Variants in SPDYA observed in about 807,000 individuals in gnomAD.
SPDYA encodes speedy/RINGO cell cycle regulator family member A.
In SPDYA, 11 loss-of-function variants were observed where a neutral mutation model predicts 36.7. The ratio of observed to expected loss-of-function variants is 0.30; its 90% confidence interval spans 0.19 to 0.50. SPDYA has a LOEUF of 0.50. SPDYA is among the 20% of genes least tolerant of loss of function. The pLI is 0.98. For synonymous variants in SPDYA, 115 were observed against 118.7 expected (o/e 0.97, Z 0.20); for missense variants, 287 against 370.9 (o/e 0.77, Z 1.86).
In SPDYA at chr2:28,840,300, T is replaced by A; in HGVS notation, c.681T>A (p.Asp227Glu). 2.5e-6 allele frequency: 4 copies of A among 1,612,734 alleles called. No individual in the cohort carries two copies. The highest frequency in any genetic ancestry group is 3.4e-6 in the Non-Finnish European group (4 of 1,179,512). The part of the protein sequence containing the change: ...LPRGPSATPV[D>E]CSLCGKKRRY... ...GGGGACCTAGTGCCACACCAGTAGA[T>A]TGTTCACTCTGTGGTAAAAAAAGAA... Residue 227 changes from aspartate to glutamate, a missense_variant, in exon 7 of 8, where the codon GAT becomes GAA. Asp to Glu is a conservative substitution (Grantham distance 45). Transcript: ENST00000334056.
At position 28,850,468 on chromosome 2, in the gene SPDYA, C is replaced by A; in HGVS notation, c.*527C>A. ...AATATTTTCTATTTTTTTCACAAAACTGTTAAAATATGAGTTACTCTCTTT... is the reference window on the plus strand; with the variant it reads ...AATATTTTCTATTTTTTTCACAAAAATGTTAAAATATGAGTTACTCTCTTT... On this transcript the variant is annotated 3_prime_UTR_variant, in exon 8 of 8. Transcript: ENST00000334056. The A allele has an allele frequency of 8.9e-7, 1 of 1,128,994 alleles. No homozygotes were observed. The allele number at this position is 1,128,994 out of a possible 1,614,324, so 69.9% of individuals were successfully genotyped here.
At chr2:28,836,339 G>A (rs773604718) in intron 6 of SPDYA, among the ~76,000 whole-genome samples, 5 of 152,112 alleles carry the variant, frequency 3.3e-5, no homozygotes, top group Non-Finnish European at 7.4e-5. Context: ...TTCTTGTCTT[G>A]GGAATTAAAT....
At chr2:28,818,223 A>T (rs1668037373) in intron 3 of SPDYA, among the ~76,000 whole-genome samples, 1 of 152,192 alleles carries the variant, frequency 6.6e-6, no homozygotes, top group Non-Finnish European at 1.5e-5. Flanking sequence ...ATCAGTAGTT[A>T]TTCTTGGAAC....
At chr2:28,821,191 C>CTT (rs1668150461) in intron 4 of SPDYA, among the ~76,000 whole-genome samples, 3 of 120,976 alleles carry the variant, frequency 2.5e-5, no homozygotes, top group South Asian at 2.6e-4. Context: ...TTTTTTTTTT[C>CTT]TTTTTCTTTT....
rs201145429 is a variant in SPDYA, at chr2:28,832,167, ATAAAG to A, written c.552+2851_552+2855del. ...TTTCCATTCTGTTTGAACCTGTTAT[ATAAAG>A]TATTTTTCCTATCATTCTGTAGAAA... On this transcript the variant is annotated intron_variant, in intron 6 of 7. Coordinates refer to ENST00000334056, the MANE Select transcript of SPDYA (RefSeq NM_182756.4). Among the ~76,000 whole-genome samples the A allele has an allele frequency of 6.5e-3, 996 of 152,310 alleles. 8 individuals carry two copies. The highest frequency in any genetic ancestry group is 0.023 in the African/African-American group (950 of 41,558).
intron 5 of SPDYA, among the ~76,000 whole-genome samples, chr2:28,827,706 T>G (rs1231926301): frequency 4.6e-5 from 7 of 152,188 alleles, no homozygotes. Context: ...AATTTGATTG[T>G]GGTGTTCACT....
At chr2:28,828,413 T>C (rs751998135) in intron 5 of SPDYA, among the ~76,000 whole-genome samples, 1 of 152,250 alleles carries the variant, frequency 6.6e-6, no homozygotes, top group Non-Finnish European at 1.5e-5. Context: ...TCCCAATCAG[T>C]GTATTTTTCA....
Position 28,829,381 on chromosome 2 carries a change from G to GT in SPDYA, c.552+68dup, listed in dbSNP as rs1668416142. On this transcript the variant is annotated intron_variant, in intron 6 of 7. Transcript: ENST00000334056. ...GTTTTCTGTTTATCTTATTATCCTTGTTTTTTAATGTGCTTCTAATGTTTT... is the reference window on the plus strand; with the variant it reads ...GTTTTCTGTTTATCTTATTATCCTTGTTTTTTTAATGTGCTTCTAATGTTTT... The GT allele has an allele frequency of 5.7e-6, 8 of 1,410,250 alleles. No homozygotes were observed. The South Asian group carries it at 8.3e-5, about 15-fold the overall frequency. 87.4% of individuals were successfully genotyped at this position (1,410,250 alleles called of 1,614,324 possible).
At chr2:28,844,924 C>T (rs1485584773) in intron 7 of SPDYA, among the ~76,000 whole-genome samples, 1 of 151,996 alleles carries the variant, frequency 6.6e-6, no homozygotes, top group Non-Finnish European at 1.5e-5. Flanking sequence ...CAGAGTGAGA[C>T]TCCATCTCAA....
intron 6 of SPDYA, among the ~76,000 whole-genome samples, chr2:28,832,398 C>T (rs1478952336): frequency 6.6e-6 from 1 of 152,150 alleles, no homozygotes; most frequent in African/African-American, 2.4e-5. Flanking sequence ...TAGAGTGCCC[C>T]AGGGCTCAGA....
chr2:28,821,191 CTTTTTCTTTTTTTTTTT>C (rs1668151014), intron 4 of SPDYA, among the ~76,000 whole-genome samples: 2 of 120,982 alleles, frequency 1.7e-5, no homozygotes, highest in South Asian at 5.3e-4. Context: ...TTTTTTTTTT[CTTTTTCTTTTTTTTTTT>C]TTTTTTTTTG....
At chr2:28,845,141 A>C (rs1324856034) in intron 7 of SPDYA, among the ~76,000 whole-genome samples, 1 of 151,490 alleles carries the variant, frequency 6.6e-6, no homozygotes, top group Non-Finnish European at 1.5e-5. Flanking sequence ...GCTGGAGTGT[A>C]GTGATGTGAT....
chr2:28,820,723 G>C (rs1262009960), intron 4 of SPDYA, among the ~76,000 whole-genome samples: 2 of 152,088 alleles, frequency 1.3e-5, no homozygotes, highest in East Asian at 3.9e-4. Context: ...TGAAAATTAA[G>C]CGTGACTTTA....
At chr2:28,835,481 C>T (rs1011151731) in intron 6 of SPDYA, among the ~76,000 whole-genome samples, 1 of 152,134 alleles carries the variant, frequency 6.6e-6, no homozygotes, top group Non-Finnish European at 1.5e-5. Flanking sequence ...AAGTGATCCA[C>T]CTGCCTCAGC....
chr2:28,829,000 A>C, intron 5 of SPDYA, 148 bp from the exon 6 acceptor site: 1 of 613,720 alleles, frequency 1.6e-6, no homozygotes, highest in South Asian at 2.8e-5. Context: ...AATTAACTAC[A>C]TGTATCTCTA....
chr2:28,837,970 C>G (rs904336377), intron 6 of SPDYA, among the ~76,000 whole-genome samples: 2 of 150,904 alleles, frequency 1.3e-5, no homozygotes, highest in East Asian at 3.9e-4. Flanking sequence ...TGACCCAAGG[C>G]ACCCCCCAAT....
At chr2:28,844,751 T>C (rs1237885660) in intron 7 of SPDYA, among the ~76,000 whole-genome samples, 3 of 151,932 alleles carry the variant, frequency 2.0e-5, no homozygotes, top group Non-Finnish European at 2.9e-5. Flanking sequence ...CTGACCAATA[T>C]GGTGAAACCC....
In SPDYA at chr2:28,848,194, A is replaced by G. The variant is rs142379685; in HGVS notation, c.851-1656A>G. On this transcript the variant is annotated intron_variant, in intron 7 of 7. Transcript: ENST00000334056. Reference sequence around the variant, plus strand: ...TTACATACAGAAATATACCACCAGAATACTCTGCTCCTGATTCAATCACTT... The same window carrying G: ...TTACATACAGAAATATACCACCAGAGTACTCTGCTCCTGATTCAATCACTT... Among the ~76,000 whole-genome samples, 46 of 152,328 alleles carry G rather than the reference A, an allele frequency of 3.0e-4. No individual in the cohort carries two copies. In the South Asian group the frequency reaches 9.3e-3, roughly 31 times the overall value.
At position 28,820,438 on chromosome 2, in the gene SPDYA, T is replaced by G. The variant is rs563904558; in HGVS notation, c.294+1332T>G. ...CTGTCTCTACTAAAAATACAAAAAT[T>G]AGCCAGGTGTGGTGGTGCGCACCCA... On this transcript the variant is annotated intron_variant, in intron 4 of 7. Coordinates refer to ENST00000334056, the MANE Select transcript of SPDYA (RefSeq NM_182756.4). Among the ~76,000 whole-genome samples, 372 of 151,840 alleles carry G rather than the reference T, an allele frequency of 2.4e-3. 3 individuals carry two copies. Among genetic ancestry groups the G allele is most frequent in the Non-Finnish European group, 4.0e-3 (273 of 67,934 alleles).
Sources: gnomAD v4.1 joint callset for allele counts (sites outside exome capture counted in the v4.1 genomes callset) on GRCh38, gnomAD v4.1.1 for gene constraint, MANE v1.5 for transcripts, NCBI Gene and HGNC (gene_info 2026-07-23, HGNC 2026-07-21) for gene names.